ATXN1: variants seen among roughly 807,000 people sequenced by gnomAD.
The protein encoded by ATXN1 is ataxin-1.
ATXN1 carries 8 observed loss-of-function variants against 56.4 expected under a neutral mutation model. The ratio of observed to expected loss-of-function variants is 0.14; its 90% CI spans 0.08 to 0.26. The LOEUF (loss-of-function observed/expected upper bound fraction) is 0.26. Ranked by LOEUF, ATXN1 falls within the 10% of genes least tolerant of loss-of-function variation. ATXN1 has a pLI of 1.00. For missense variants in ATXN1, 987 were observed against 1,106.5 expected, an observed-to-expected ratio of 0.89 and a Z score of 1.53; for synonymous variants, 514 against 494.6, an observed-to-expected ratio of 1.04 and a Z score of -0.52.
intron 3 of ATXN1, among the ~76,000 whole-genome samples, chr6:16,608,667 A>C (rs1173815720): frequency 6.6e-6 from 1 of 152,198 alleles, no homozygotes; most frequent in East Asian, 1.9e-4. Context: ...ACATTATTAC[A>C]GGCAAAGTGA....
chr6:16,351,205 T>C (rs918713232), intron 6 of ATXN1, among the ~76,000 whole-genome samples: 1 of 152,208 alleles, frequency 6.6e-6, no homozygotes, highest in African/African-American at 2.4e-5. Flanking sequence ...AGCAGGAACT[T>C]TATCAATGTT....
chr6:16,727,134 T>A (rs1445681018), intron 2 of ATXN1, among the ~76,000 whole-genome samples: 1 of 152,228 alleles, frequency 6.6e-6, no homozygotes, highest in Non-Finnish European at 1.5e-5. Context: ...TAACCAAGTC[T>A]GTTTTCTCTT....
At chr6:16,528,031 T>C (rs1761427087) in intron 4 of ATXN1, among the ~76,000 whole-genome samples, 3 of 152,288 alleles carry the variant, frequency 2.0e-5, no homozygotes, top group Admixed American at 2.0e-4. Context: ...CTGGGTGCTG[T>C]GGCTCATGCC....
At chr6:16,544,623 T>C (rs887683140) in intron 4 of ATXN1, among the ~76,000 whole-genome samples, 5 of 152,142 alleles carry the variant, frequency 3.3e-5, no homozygotes, top group African/African-American at 4.8e-5. Flanking sequence ...TGGCGTGTTA[T>C]GGCACTGGGA....
chr6:16,595,652 G>A (rs1273156918), intron 3 of ATXN1, among the ~76,000 whole-genome samples: 1 of 152,208 alleles, frequency 6.6e-6, no homozygotes, highest in African/African-American at 2.4e-5. Flanking sequence ...ACTACAAAAA[G>A]CAAGGAAATG....
intron 5 of ATXN1, among the ~76,000 whole-genome samples, chr6:16,513,267 CA>C (rs1488575392): frequency 1.3e-5 from 2 of 152,176 alleles, no homozygotes; most frequent in African/African-American, 4.8e-5. Context: ...GGAAAGTGAT[CA>C]AAAGCCCCAA....
intron 6 of ATXN1, among the ~76,000 whole-genome samples, chr6:16,374,420 T>C (rs888925494): frequency 2.0e-5 from 3 of 152,232 alleles, no homozygotes; most frequent in Non-Finnish European, 4.4e-5. Context: ...ACACTAATCC[T>C]TTAATTTAAC....
At chr6:16,469,068 G>T (rs1760165475) in intron 6 of ATXN1, among the ~76,000 whole-genome samples, 1 of 152,114 alleles carries the variant, frequency 6.6e-6, no homozygotes, top group Non-Finnish European at 1.5e-5. Context: ...TTCTAGAAAG[G>T]CAGAGTTTTA....
At chr6:16,348,425 C>T (rs546242604) in intron 6 of ATXN1, among the ~76,000 whole-genome samples, 1 of 152,060 alleles carries the variant, frequency 6.6e-6, no homozygotes, top group Non-Finnish European at 1.5e-5. Flanking sequence ...TGGCGAGGCA[C>T]GGTGGCTCAC....
chr6:16,558,300 C>CAAAA (rs34684208), intron 4 of ATXN1, among the ~76,000 whole-genome samples: 1 of 95,410 alleles, frequency 1.0e-5, no homozygotes, highest in Non-Finnish European at 2.1e-5. Flanking sequence ...GATCCTGTGT[C>CAAAA]AAAAAAAAAA....
intron 3 of ATXN1, among the ~76,000 whole-genome samples, chr6:16,590,056 TATAA>T (rs1762695972): frequency 6.6e-6 from 1 of 152,184 alleles, no homozygotes. Context: ...CTGACGTAAT[TATAA>T]ATACTTACTG....
chr6:16,519,723 C>G (rs1163282671), intron 5 of ATXN1, among the ~76,000 whole-genome samples: 7 of 152,210 alleles, frequency 4.6e-5, no homozygotes, highest in African/African-American at 1.7e-4. Flanking sequence ...AGCACAGACT[C>G]TCCACCTCCT....
At chr6:16,548,792 G>GA (rs1181416634) in intron 4 of ATXN1, among the ~76,000 whole-genome samples, 1 of 151,996 alleles carries the variant, frequency 6.6e-6, no homozygotes, top group Non-Finnish European at 1.5e-5. Flanking sequence ...GCGTGGTGGT[G>GA]CATGCCTGTA....
chr6:16,634,326 T>C (rs9367921), intron 3 of ATXN1, among the ~76,000 whole-genome samples: 71,782 of 152,010 alleles, frequency 0.47, 17,447 homozygotes, highest in Admixed American at 0.54. Context: ...TTGAGCAGGT[T>C]CTCCTCTTTT....
chr6:16,322,624 G>A (rs968417885), intron 7 of ATXN1, among the ~76,000 whole-genome samples: 6 of 152,190 alleles, frequency 3.9e-5, no homozygotes, highest in Admixed American at 1.3e-4. Context: ...GAGAAGACCA[G>A]GAAGATTCTT....
chr6:16,501,118 T>TATGCACGCATGCACAC (rs1466300080), intron 5 of ATXN1, among the ~76,000 whole-genome samples: 1 of 152,234 alleles, frequency 6.6e-6, no homozygotes. Context: ...AGTGTGCACA[T>TATGCACGCATGCACAC]ATGCACGCAT....
chr6:16,387,335 A>G (rs1436193715), intron 6 of ATXN1, among the ~76,000 whole-genome samples: 1 of 152,244 alleles, frequency 6.6e-6, no homozygotes, highest in Non-Finnish European at 1.5e-5. Context: ...GAGGCACCAC[A>G]TATCTCTGAA....
chr6:16,596,753 C>T (rs1762822479), intron 3 of ATXN1, among the ~76,000 whole-genome samples: 1 of 152,188 alleles, frequency 6.6e-6, no homozygotes, highest in African/African-American at 2.4e-5. Flanking sequence ...ACTACAGCAG[C>T]ATTTGTCAAA....
At chr6:16,519,589 C>T (rs1761247588) in intron 5 of ATXN1, among the ~76,000 whole-genome samples, 1 of 152,214 alleles carries the variant, frequency 6.6e-6, no homozygotes, top group Admixed American at 6.5e-5. Context: ...CCCTGGATTT[C>T]ACATTGCTCC....
Sources: allele counts gnomAD v4.1 joint callset (sites outside exome capture counted in the v4.1 genomes callset), GRCh38; gene constraint gnomAD v4.1.1; transcripts MANE v1.5; gene names NCBI Gene and HGNC (gene_info 2026-07-23, HGNC 2026-07-21).